Variants in NCOA6 observed in about 807,000 individuals in gnomAD.
NCOA6 encodes nuclear receptor coactivator 6, also known as NRC RAP250.
NCOA6 carries 49 observed loss-of-function variants against 171.4 expected under a neutral mutation model. That is an observed-to-expected ratio of 0.29 (90% CI 0.23 to 0.36). The LOEUF (loss-of-function observed/expected upper bound fraction) is 0.36. NCOA6 is among the 10% of genes least tolerant of loss of function. NCOA6 has a pLI of 1.00. For synonymous variants in NCOA6, 910 were observed against 927.5 expected, an observed-to-expected ratio of 0.98 and a Z score of 0.34; for missense variants, 2,248 against 2,554.5, an observed-to-expected ratio of 0.88 and a Z score of 2.59.
At chr20:34,735,275 C>T (rs1017205998) in intron 12 of NCOA6, among the ~76,000 whole-genome samples, 5 of 152,044 alleles carry the variant, frequency 3.3e-5, no homozygotes, top group African/African-American at 7.2e-5. Flanking sequence ...CTTTAAATAA[C>T]GTGCTCCATT....
chr20:34,717,794 C>T (rs1030168639), intron 14 of NCOA6, among the ~76,000 whole-genome samples: 2 of 152,134 alleles, frequency 1.3e-5, no homozygotes, highest in Non-Finnish European at 2.9e-5. Flanking sequence ...TTGTCATTTG[C>T]AGTAAAAATA....
At chr20:34,816,483 A>G (rs1250308529) in intron 1 of NCOA6, among the ~76,000 whole-genome samples, 2 of 152,138 alleles carry the variant, frequency 1.3e-5, no homozygotes, top group Non-Finnish European at 2.9e-5. Context: ...ATGCAGCTAC[A>G]AGCCAAGGAG....
intron 5 of NCOA6, among the ~76,000 whole-genome samples, chr20:34,761,475 T>C (rs74673108): frequency 6.9e-6 from 1 of 144,044 alleles, no homozygotes; most frequent in Non-Finnish European, 1.5e-5. Flanking sequence ...TTGGTTATGC[T>C]TTTTTTTTTT....
rs1568792288 is a variant in NCOA6 at position 34,758,065 on chromosome 20, T to A, written c.683A>T (p.Gln228Leu). 1 of 1,614,008 alleles carries A rather than the reference T, an allele frequency of 6.2e-7. No homozygotes were observed. Residue 228 changes from glutamine to leucine, a missense_variant, in exon 7 of 15, where the codon CAG becomes CTG. Transcript: ENST00000359003. ...DPLLSGLHIQ[Q>L]QSHPSGSLAP... ...TAAAGATCCTGAGGGATGACTTTGCTGCTGTATATGGAGCCCAGAGAGGAG... is the reference window on the plus strand; with the variant it reads ...TAAAGATCCTGAGGGATGACTTTGCAGCTGTATATGGAGCCCAGAGAGGAG...
rs1568794146 is a variant in NCOA6, at chr20:34,758,835, G to C, written c.613C>G (p.Pro205Ala). ...TGAGAAGCAGGGCGAGGAGTCCTGGGCTGCAGCTCTGGATTGGGGCCTGGT... is the reference window on the plus strand; with the variant it reads ...TGAGAAGCAGGGCGAGGAGTCCTGGCCTGCAGCTCTGGATTGGGGCCTGGT... Reference protein sequence around the residue: ...MAPGPNPELQPRTPRPASQSD... With the variant: ...MAPGPNPELQARTPRPASQSD... Residue 205 changes from proline to alanine, a missense_variant, in exon 6 of 15, where the codon CCC becomes GCC. By Grantham distance (27) the Pro-to-Ala change is conservative. Coordinates refer to ENST00000359003, the MANE Select transcript of NCOA6 (RefSeq NM_014071.5). 6.2e-7 allele frequency: 1 copy of C among 1,613,176 alleles called. No homozygotes were observed. Among genetic ancestry groups the C allele is most frequent in the East Asian group, 2.2e-5 (1 of 44,874 alleles).
intron 3 of NCOA6, among the ~76,000 whole-genome samples, chr20:34,779,340 A>C (rs1232816663): frequency 6.6e-6 from 1 of 151,798 alleles, no homozygotes; most frequent in Non-Finnish European, 1.5e-5. Flanking sequence ...GTGAGACCTC[A>C]TCTCTACAAA....
At position 34,743,266 on chromosome 20, in the gene NCOA6, G is replaced by A. The variant is rs1413075105; in HGVS notation, c.2990C>T (p.Pro997Leu). 1 of 1,613,804 alleles carries A rather than the reference G, an allele frequency of 6.2e-7. No individual in the cohort carries two copies. The highest frequency in any genetic ancestry group is 2.2e-5 in the East Asian group (1 of 44,898). ...PPQLMQHVAPPPQPPQQQPQP... is the reference protein window; with the variant it reads ...PPQLMQHVAPLPQPPQQQPQP... ...TGGCTGCTGCTGTGGTGGCTGTGGT[G>A]GGGGTGCCACATGCTGCATGAGTTG... is the stretch of plus-strand genomic sequence containing the variant. The change falls in exon 11 of 15, where the codon CCA (proline) becomes CTA (leucine). Residue 997 changes from proline to leucine, a missense_variant. Pro to Leu is a moderately conservative substitution (Grantham distance 98, BLOSUM62 -3). Around this residue, in one of 7 missense-constraint regions of NCOA6, gnomAD observed 352 missense variants for 419.1 expected, o/e 0.84. Transcript: ENST00000359003.
chr20:34,750,585 C>G lies in NCOA6; in HGVS notation c.1676-66G>C, dbSNP rs1380980500. The G allele has an allele frequency of 3.5e-6, 5 of 1,431,190 alleles. No individual in the cohort carries two copies. The African/African-American group carries it at 7.2e-5, about 21-fold the overall frequency. The allele number at this position is 1,431,190 out of a possible 1,614,324, so 88.7% of individuals were successfully genotyped here. ...TTTATCTTATTGGTATTAAGATACT[C>G]AAGTTACATTACTCAGAAAGACATC... On this transcript the variant is annotated intron_variant, in intron 8 of 14. Transcript: ENST00000359003.
In NCOA6 at chr20:34,741,586, G is replaced by T; in HGVS notation, c.4670C>A (p.Ser1557Ter). 1 of 1,614,202 alleles carries T rather than the reference G, an allele frequency of 6.2e-7. No homozygotes were observed. Among genetic ancestry groups the T allele is most frequent in the South Asian group, 1.1e-5 (1 of 91,064 alleles). Residue 1557 changes from serine to a stop codon, truncating the protein, a stop_gained, in exon 11 of 15, where the codon TCA becomes TAA. Coordinates refer to ENST00000359003, the MANE Select transcript of NCOA6 (RefSeq NM_014071.5). LOFTEE classifies it high-confidence loss of function. ...LNLPHSNELC[S>*]SLVHPELSEV... is the part of the protein sequence containing the mutation. ...ACTCAATTCGGGATGCACAAGGGAT[G>T]AACACAGCTCATTACTGTGAGGTAA...
chr20:34,820,405 G>A (rs1323118549), intron 1 of NCOA6: 1 of 151,966 alleles, frequency 6.6e-6, no homozygotes, highest in Non-Finnish European at 1.5e-5. Flanking sequence ...AAATCTTAAA[G>A]GAAAAGATTG....
intron 1 of NCOA6, among the ~76,000 whole-genome samples, chr20:34,811,754 A>G (rs2146630315): frequency 6.6e-6 from 1 of 152,326 alleles, no homozygotes; most frequent in Non-Finnish European, 1.5e-5. Context: ...CCTCCATCTG[A>G]ATATTACACT....
At chr20:34,753,176 G>C (rs938617036) in intron 8 of NCOA6, among the ~76,000 whole-genome samples, 1 of 150,516 alleles carries the variant, frequency 6.6e-6, no homozygotes. Flanking sequence ...CTCTTAAGTA[G>C]CTGGGATTAC....
In NCOA6 at chr20:34,750,480, ACC is replaced by A; in HGVS notation, c.1713_1714del (p.Gln571HisfsTer125). 1 of 1,612,264 alleles carries A rather than the reference ACC, an allele frequency of 6.2e-7. No individual in the cohort carries two copies. The highest frequency in any genetic ancestry group is 8.5e-7 in the Non-Finnish European group (1 of 1,178,866). On this transcript the variant is annotated frameshift_variant, in exon 9 of 15. Coordinates refer to ENST00000359003, the MANE Select transcript of NCOA6 (RefSeq NM_014071.5). LOFTEE classifies it high-confidence loss of function. ...CATCATATTTGGCGGCCCGTGGGAC[ACC>A]TGCATCTGGTTTTGAGGAGGACCAG...
intron 8 of NCOA6, among the ~76,000 whole-genome samples, chr20:34,751,376 C>CAAAAAAAAAAAAAAACAAAAAAAAAA (rs2076478812): frequency 1.5e-5 from 1 of 68,294 alleles, no homozygotes; most frequent in Non-Finnish European, 2.8e-5. Context: ...GACTCCGTCT[C>CAAAAAAAAAAAAAAACAAAAAAAAAA]AAAAAAAAAA....
At position 34,776,326 on chromosome 20, in the gene NCOA6, G is replaced by A. The variant is rs1044080467; in HGVS notation, c.358C>T (p.Arg120Trp). Residue 120 changes from arginine (R) to tryptophan (W), a missense_variant, in exon 4 of 15, where the codon CGG becomes TGG. Arg to Trp is a moderately radical substitution (Grantham distance 101). This residue lies in a region of NCOA6 where 987 missense variants were observed against 1,104.7 expected (regional missense o/e 0.89). Coordinates refer to ENST00000359003, the MANE Select transcript of NCOA6 (RefSeq NM_014071.5). ...ILAQSNNQQLRDLGILSVQIE... is the reference protein window; with the variant it reads ...ILAQSNNQQLWDLGILSVQIE... ...TGAACGGAGAGAATCCCTAAATCCCGAAGCTGCTGGTTGTTGCTCTGAGCA... is the reference window on the plus strand; with the variant it reads ...TGAACGGAGAGAATCCCTAAATCCCAAAGCTGCTGGTTGTTGCTCTGAGCA... 1.9e-6 allele frequency: 3 copies of A among 1,613,818 alleles called. No individual in the cohort carries two copies. The highest frequency in any genetic ancestry group is 1.3e-5 in the African/African-American group (1 of 74,912).
At chr20:34,824,612 G>A (rs972184126) in intron 1 of NCOA6, among the ~76,000 whole-genome samples, 8 of 152,120 alleles carry the variant, frequency 5.3e-5, no homozygotes, top group African/African-American at 1.9e-4. Context: ...AGTTGATAAA[G>A]GTTCTCTCCT....
Position 34,740,820 on chromosome 20 carries a change from CGAGACTGGGCTTCGCCGGTTGCCAGAG to C in NCOA6, c.5409_5435del (p.Gly1805_Ser1813del). On this transcript the variant is annotated inframe_deletion, in exon 11 of 15. Transcript: ENST00000359003. ...CCACTTTTCCTTTGCCCTTACTAGA[CGAGACTGGGCTTCGCCGGTTGCCAGAG>C]GACCCTGGACTATTGGTCAAAAGGG... 1 of 1,614,196 alleles carries C rather than the reference CGAGACTGGGCTTCGCCGGTTGCCAGAG, an allele frequency of 6.2e-7. No homozygotes were observed. The highest frequency in any genetic ancestry group is 8.5e-7 in the Non-Finnish European group (1 of 1,180,038).
intron 2 of NCOA6, among the ~76,000 whole-genome samples, chr20:34,786,991 G>A (rs1266856415): frequency 6.6e-6 from 1 of 152,002 alleles, no homozygotes; most frequent in East Asian, 1.9e-4. Flanking sequence ...AAAATAAAGA[G>A]CTTCTGCACA....
At chr20:34,782,734 T>C (rs2077546528) in intron 2 of NCOA6, among the ~76,000 whole-genome samples, 1 of 152,186 alleles carries the variant, frequency 6.6e-6, no homozygotes, top group Admixed American at 6.5e-5. Flanking sequence ...TATAGGCCTT[T>C]GGTTGACCCC....
Sources: allele counts gnomAD v4.1 joint callset (sites outside exome capture counted in the v4.1 genomes callset), GRCh38; gene constraint gnomAD v4.1.1; regional missense constraint gnomAD v4.1.1; transcripts MANE v1.5; gene names NCBI Gene and HGNC (gene_info 2026-07-23, HGNC 2026-07-21).